The following METTL25 variants were observed in gnomAD, a reference collection of about 807,000 sequenced individuals.
The protein encoded by METTL25 is methyltransferase like 25.
METTL25 carries 64 observed loss-of-function variants against 71.6 expected under a neutral mutation model. The observed-to-expected ratio is 0.89, with a 90% CI of 0.73 to 1.10. The LOEUF is 1.10. Among genes scored for constraint, METTL25 ranks in the 50% least tolerant of loss-of-function variants. The pLI is 0.00. For synonymous variants in METTL25, 287 were observed against 250.3 expected (o/e 1.15, Z -1.38); for missense variants, 807 against 707.0 (o/e 1.14, Z -1.60).
intron 1 of METTL25, among the ~76,000 whole-genome samples, chr12:82,363,765 T>A (rs1459370093): frequency 6.6e-6 from 1 of 151,588 alleles, no homozygotes; most frequent in Non-Finnish European, 1.5e-5. Context: ...GACTCTAACT[T>A]AGGAAACTAA....
At chr12:82,445,003 A>T (rs770605467) in intron 8 of METTL25, among the ~76,000 whole-genome samples, 25 of 152,196 alleles carry the variant, frequency 1.6e-4, no homozygotes, top group Non-Finnish European at 3.2e-4. Context: ...CAAAGTGTAT[A>T]ACATGTACAT....
rs1424654862 is a variant in METTL25, at chr12:82,456,736, T to C, written c.1488T>C (p.His496=). 1 of 1,590,810 alleles carries C rather than the reference T, an allele frequency of 6.3e-7. No individual in the cohort carries two copies. The highest frequency in any genetic ancestry group is 8.6e-7 in the Non-Finnish European group (1 of 1,168,970). The change falls in exon 9 of 12, where the codon CAT becomes CAC. Residue 496 remains histidine (H), a synonymous_variant. Coordinates refer to ENST00000248306, the MANE Select transcript of METTL25 (RefSeq NM_032230.3). The stretch of plus-strand genomic sequence containing the variant: ...CAATTTTGTTTTACAGTGATCGGCA[T>C]GTTGGTAAAATTTATTCCAAATGTT... The part of the protein sequence containing the change: ...DCYGITKCDR[H]VGKIYSKCSS...
chr12:82,428,413 G>C (rs1490642529), intron 5 of METTL25, among the ~76,000 whole-genome samples: 1 of 151,812 alleles, frequency 6.6e-6, no homozygotes, highest in East Asian at 1.9e-4. Context: ...ACTTTTTACA[G>C]CGAGATCTGT....
At chr12:82,386,546 A>G (rs926178964) in intron 1 of METTL25, among the ~76,000 whole-genome samples, 4 of 147,064 alleles carry the variant, frequency 2.7e-5, no homozygotes, top group African/African-American at 7.6e-5. Flanking sequence ...CTTTCTTTCC[A>G]TAAAAAAGGC....
intron 5 of METTL25, among the ~76,000 whole-genome samples, chr12:82,423,513 A>C (rs1412240588): frequency 6.6e-6 from 1 of 152,228 alleles, no homozygotes; most frequent in African/African-American, 2.4e-5. Context: ...CACCAAAAGC[A>C]ATGGCAACAA....
chr12:82,425,844 G>A (rs1308336751), intron 5 of METTL25, among the ~76,000 whole-genome samples: 3 of 152,026 alleles, frequency 2.0e-5, no homozygotes, highest in Non-Finnish European at 4.4e-5. Flanking sequence ...GGTGGATAAT[G>A]ATATTAACAC....
rs556905852 is a variant in METTL25 at position 82,478,832 on chromosome 12, G to T, written c.1720-100G>T. On this transcript the variant is annotated intron_variant, in intron 11 of 11. Transcript: ENST00000248306. ...TAAGAATTTTCTGTGAAACAGCTTT[G>T]TTTTTATGTATTTTTTATATTACAA... 2.3e-3 allele frequency: 2,079 copies of T among 903,848 alleles called. 4 individuals carry two copies. Among genetic ancestry groups the T allele is most frequent in the Middle Eastern group, 7.0e-3 (25 of 3,588 alleles). The allele number at this position is 903,848 out of a possible 1,614,324, so 56.0% of individuals were successfully genotyped here.
chr12:82,470,353 G>A (rs562449171), intron 9 of METTL25, among the ~76,000 whole-genome samples: 6 of 152,252 alleles, frequency 3.9e-5, no homozygotes, highest in African/African-American at 1.4e-4. Flanking sequence ...GAAATATGAT[G>A]CATTCAGTAC....
chr12:82,412,336 C>T (rs1041306783), intron 5 of METTL25, among the ~76,000 whole-genome samples: 1 of 152,042 alleles, frequency 6.6e-6, no homozygotes, highest in African/African-American at 2.4e-5. Flanking sequence ...TTTCATAAGG[C>T]TTTAATGGGT....
intron 3 of METTL25, among the ~76,000 whole-genome samples, chr12:82,395,423 G>C (rs535842340): frequency 9.1e-4 from 139 of 152,072 alleles, no homozygotes; most frequent in African/African-American, 3.2e-3. Flanking sequence ...AGTTAACCAG[G>C]CTCAGGATGG....
chr12:82,386,358 C>T (rs1196555683), intron 1 of METTL25, among the ~76,000 whole-genome samples: 1 of 152,046 alleles, frequency 6.6e-6, no homozygotes, highest in Non-Finnish European at 1.5e-5. Flanking sequence ...CAGTTATAGG[C>T]CAGCCAGGAC....
intron 1 of METTL25, among the ~76,000 whole-genome samples, chr12:82,373,123 G>A (rs1883444949): frequency 6.6e-6 from 1 of 152,146 alleles, no homozygotes; most frequent in Non-Finnish European, 1.5e-5. Context: ...AAACCTGTTA[G>A]AGTCCTAAGC....
At chr12:82,386,514 TTC>T (rs1274254035) in intron 1 of METTL25, among the ~76,000 whole-genome samples, 1 of 76,546 alleles carries the variant, frequency 1.3e-5, no homozygotes, top group African/African-American at 4.8e-5. Context: ...TTCCTCCCTT[TTC>T]TCTCTCTCTG....
chr12:82,476,277 T>TC (rs1425991118), intron 9 of METTL25: 1 of 165,252 alleles, frequency 6.1e-6, no homozygotes, highest in Non-Finnish European at 1.3e-5. Flanking sequence ...GCTCAAAATG[T>TC]CTTGTTTTAG....
Position 82,436,619 on chromosome 12 carries a change from C to G in METTL25, c.1404+1895C>G, listed in dbSNP as rs547416559. Among the ~76,000 whole-genome samples the G allele has an allele frequency of 2.6e-5, 4 of 151,618 alleles. No homozygotes were observed. In the South Asian group the frequency reaches 6.2e-4, roughly 24 times the overall value. On this transcript the variant is annotated intron_variant, in intron 7 of 11. Coordinates refer to ENST00000248306, the MANE Select transcript of METTL25 (RefSeq NM_032230.3). ...AGTAACTTGAGAATGATGACTTATTCTGTTCTGCTGTATTTTTCTGTGCAT... is the reference window on the plus strand; with the variant it reads ...AGTAACTTGAGAATGATGACTTATTGTGTTCTGCTGTATTTTTCTGTGCAT...
At chr12:82,376,705 T>C (rs73151425) in intron 1 of METTL25, among the ~76,000 whole-genome samples, 9,447 of 152,346 alleles carry the variant, frequency 0.062, 344 homozygotes, top group Middle Eastern at 0.12. Flanking sequence ...CTTAATACTT[T>C]ATAATATTTC....
intron 5 of METTL25, among the ~76,000 whole-genome samples, chr12:82,414,828 G>A (rs10746248): frequency 0.92 from 139,948 of 152,156 alleles, 64,735 homozygotes; most frequent in East Asian, 1. Context: ...TTGCTATAGC[G>A]TTCTCATTTC....
intron 1 of METTL25, among the ~76,000 whole-genome samples, chr12:82,369,748 A>G (rs1056587401): frequency 3.4e-5 from 5 of 147,522 alleles, no homozygotes; most frequent in African/African-American, 1.3e-4. Flanking sequence ...TGATTGGTCC[A>G]TTTTACACAG....
At chr12:82,419,967 C>T (rs749497976) in intron 5 of METTL25, among the ~76,000 whole-genome samples, 1 of 152,140 alleles carries the variant, frequency 6.6e-6, no homozygotes, top group Non-Finnish European at 1.5e-5. Context: ...ATTTCATCTC[C>T]ATTAATGAAT....
Sources: gnomAD v4.1 joint callset for allele counts (sites outside exome capture counted in the v4.1 genomes callset) on GRCh38, gnomAD v4.1.1 for gene constraint, MANE v1.5 for transcripts, NCBI Gene and HGNC (gene_info 2026-07-23, HGNC 2026-07-21) for gene names.